The following SENP2 variants were observed in gnomAD, a reference collection of about 807,000 sequenced individuals.
SENP2 encodes SUMO specific peptidase 2.
SENP2 carries 16 observed loss-of-function variants against 86.3 expected under a neutral mutation model. The observed-to-expected ratio is 0.19, with a 90% CI of 0.13 to 0.28. The LOEUF is 0.28. SENP2 is among the 10% of genes least tolerant of loss of function. SENP2 has a pLI of 1.00. For synonymous variants in SENP2, 222 were observed against 238.7 expected (o/e 0.93, Z 0.64); for missense variants, 552 against 703.0 (o/e 0.79, Z 2.43).
In SENP2 at chr3:185,628,129, TTTATTA is replaced by T. The variant is rs145966423; in HGVS notation, c.1708-1635_1708-1630del. On this transcript the variant is annotated intron_variant, in intron 16 of 16. Coordinates refer to ENST00000296257, the MANE Select transcript of SENP2 (RefSeq NM_021627.3). ...CCACCCCTAGGGAGGACATCACTAGTTTATTATTATTATTATTATTATTTTGAGATG... is the reference window on the plus strand; with the variant it reads ...CCACCCCTAGGGAGGACATCACTAGTTTATTATTATTATTATTTTGAGATG... Among the ~76,000 whole-genome samples the T allele has an allele frequency of 3.4e-3, 515 of 151,780 alleles. 5 individuals carry two copies. The highest frequency in any genetic ancestry group is 0.012 in the African/African-American group (483 of 41,400).
At chr3:185,599,548 C>A (rs1722277025) in intron 4 of SENP2, among the ~76,000 whole-genome samples, 1 of 151,934 alleles carries the variant, frequency 6.6e-6, no homozygotes, top group Non-Finnish European at 1.5e-5. Flanking sequence ...AAGCCAGAAT[C>A]CTGCGAAATA....
chr3:185,592,011 C>CTTTTT lies in SENP2; in HGVS notation c.157+1861_157+1865dup, dbSNP rs149268515. On this transcript the variant is annotated intron_variant, in intron 2 of 16. Transcript: ENST00000296257. Reference sequence around the variant, plus strand: ...CTGTCTTTAAGAACCGGTAATATTTCTTTTTTTTTTTTTTTTTTTTTTTGA... The same window carrying CTTTTT: ...CTGTCTTTAAGAACCGGTAATATTTCTTTTTTTTTTTTTTTTTTTTTTTTTTTTGA... 4.3e-3 allele frequency among the ~76,000 whole-genome samples: 281 copies of CTTTTT among 65,780 alleles called. 41 individuals are homozygous for CTTTTT. Among genetic ancestry groups the CTTTTT allele is most frequent in the African/African-American group, 0.012 (205 of 17,366 alleles). The allele number at this position is 65,780 out of a possible 152,430, so 43.2% of individuals were successfully genotyped here.
chr3:185,604,508 A>G (rs904630959), intron 5 of SENP2, among the ~76,000 whole-genome samples: 2 of 152,142 alleles, frequency 1.3e-5, no homozygotes, highest in African/African-American at 4.8e-5. Context: ...TGAGTCAGGA[A>G]TTGAGTTTTC....
chr3:185,601,901 G>A (rs1382080351), intron 5 of SENP2, among the ~76,000 whole-genome samples: 2 of 152,138 alleles, frequency 1.3e-5, no homozygotes, highest in African/African-American at 2.4e-5. Flanking sequence ...GCCTCTCAAA[G>A]TGCTGGGATT....
Position 185,590,137 on chromosome 3 carries a change from C to G in SENP2, c.125C>G (p.Thr42Ser). Residue 42 changes from threonine to serine, a missense_variant, in exon 2 of 17, where the codon ACT becomes AGT. By Grantham distance (58) the Thr-to-Ser change is moderately conservative (BLOSUM62 1). Coordinates refer to ENST00000296257, the MANE Select transcript of SENP2 (RefSeq NM_021627.3). ...SDSTLFSTVD[T>S]DEIPAKRPRL... ...AGCACTCTGTTTTCTACAGTGGACA[C>G]TGATGAAATACCAGCCAAAAGACCA... 1 of 1,550,170 alleles carries G rather than the reference C, an allele frequency of 6.5e-7. No homozygotes were observed. Among genetic ancestry groups the G allele is most frequent in the South Asian group, 1.3e-5 (1 of 77,806 alleles).
intron 15 of SENP2, 123 bp downstream of exon 15, chr3:185,624,205 TTTTC>T (rs1432931699): frequency 2.5e-5 from 15 of 601,158 alleles, no homozygotes; most frequent in Admixed American, 6.6e-5. Flanking sequence ...ACATCTTTTT[TTTTC>T]TTTCTTTCTT....
At chr3:185,622,816 GCTTT>G in intron 14 of SENP2, among the ~76,000 whole-genome samples, 1 of 131,782 alleles carries the variant, frequency 7.6e-6, no homozygotes, top group East Asian at 2.3e-4. Flanking sequence ...TTACATTCAT[GCTTT>G]TTTTTTTTTT....
chr3:185,601,712 A>G (rs1722353005), intron 5 of SENP2, among the ~76,000 whole-genome samples: 3 of 141,972 alleles, frequency 2.1e-5, no homozygotes, highest in African/African-American at 8.0e-5. Flanking sequence ...GTCTTGGCTC[A>G]CTGCAGCCTC....
At chr3:185,593,194 G>A (rs1181068080) in intron 2 of SENP2, among the ~76,000 whole-genome samples, 1 of 152,122 alleles carries the variant, frequency 6.6e-6, no homozygotes, top group African/African-American at 2.4e-5. Context: ...GGAAAGTTGT[G>A]TAAATTCAAG....
intron 16 of SENP2, among the ~76,000 whole-genome samples, chr3:185,627,355 C>A (rs1376867208): frequency 6.6e-6 from 1 of 152,184 alleles, no homozygotes; most frequent in Non-Finnish European, 1.5e-5. Context: ...AGCCACAGGT[C>A]TAAGATGTAA....
At chr3:185,616,108 G>C (rs1011771716) in intron 11 of SENP2, among the ~76,000 whole-genome samples, 1 of 146,978 alleles carries the variant, frequency 6.8e-6, no homozygotes, top group Non-Finnish European at 1.5e-5. Flanking sequence ...TGATCCGCCC[G>C]TCTTGGCTTC....
chr3:185,624,792 C>T (rs1420764656), intron 15 of SENP2, among the ~76,000 whole-genome samples: 6 of 150,600 alleles, frequency 4.0e-5, no homozygotes, highest in Non-Finnish European at 5.9e-5. Context: ...CACTTGAACC[C>T]GGTAGGCAGA....
chr3:185,629,757 G>A, intron 16 of SENP2, 25 bp from the exon 17 acceptor site: 2 of 1,613,044 alleles, frequency 1.2e-6, no homozygotes, highest in South Asian at 1.1e-5. Flanking sequence ...TGTAATGCGG[G>A]CGTTGTTTAT....
At chr3:185,609,105 AAAT>A in intron 6 of SENP2, 139 bp from the exon 7 acceptor site, 1 of 580,862 alleles carries the variant, frequency 1.7e-6, no homozygotes. Flanking sequence ...TATTTTTAAA[AAAT>A]GTATAAAGTT....
rs1268325527 is a variant in SENP2, at chr3:185,631,387, G to C, written c.*1543G>C. ...ATGGTCAGCCAGAGGCCATGTGGTG[G>C]GTGATGACTGAAGCGGGAGCAGGTT... On this transcript the variant is annotated 3_prime_UTR_variant, in exon 17 of 17. Transcript: ENST00000296257. 1.4e-5 allele frequency: 2 copies of C among 147,056 alleles called. No individual in the cohort carries two copies. The highest frequency in any genetic ancestry group is 6.9e-5 in the Admixed American group (1 of 14,572). The allele number at this position is 147,056 out of a possible 1,614,324, so 9.1% of individuals were successfully genotyped here.
intron 2 of SENP2, among the ~76,000 whole-genome samples, chr3:185,594,007 C>T (rs1722094758): frequency 6.6e-6 from 1 of 152,028 alleles, no homozygotes. Flanking sequence ...GTATTACAGG[C>T]GTGAGCCACC....
intron 11 of SENP2, 96 bp from the exon 12 acceptor site, chr3:185,617,384 G>A (rs1711662102): frequency 6.6e-6 from 6 of 911,342 alleles, no homozygotes; most frequent in Non-Finnish European, 9.8e-6. Flanking sequence ...GTCAGGTGTT[G>A]CCGAGATGAA....
rs114984018 is a variant in SENP2 at position 185,626,078 on chromosome 3, G to T, written c.1612-220G>T. On this transcript the variant is annotated intron_variant, in intron 15 of 16. Coordinates refer to ENST00000296257, the MANE Select transcript of SENP2 (RefSeq NM_021627.3). ...GTTACATCTTAGACCTGTGGCTTCA[G>T]TTCTCACAAGGCCTGTTTTTCCCTT... Among the ~76,000 whole-genome samples, 408 of 152,284 alleles carry T rather than the reference G, an allele frequency of 2.7e-3. 1 individual carries two copies. The highest frequency in any genetic ancestry group is 9.3e-3 in the African/African-American group (387 of 41,560).
chr3:185,597,008 T>A (rs1371792218), intron 2 of SENP2, among the ~76,000 whole-genome samples: 1 of 151,994 alleles, frequency 6.6e-6, no homozygotes, highest in African/African-American at 2.4e-5. Context: ...CGCACACCAC[T>A]GAGCCCAGCT....
Sources: gnomAD v4.1 joint callset for allele counts (sites outside exome capture counted in the v4.1 genomes callset) on GRCh38, gnomAD v4.1.1 for gene constraint, MANE v1.5 for transcripts, NCBI Gene and HGNC (gene_info 2026-07-23, HGNC 2026-07-21) for gene names.